BBS9: variants seen among roughly 807,000 people sequenced by gnomAD.
The protein encoded by BBS9 is Bardet-Biedl syndrome 9, also known as protein PTHB1.
BBS9 carries 89 observed loss-of-function variants against 117.7 expected under a neutral mutation model. The ratio of observed to expected loss-of-function variants is 0.76; its 90% CI spans 0.64 to 0.90. The LOEUF is 0.90. Ranked by LOEUF, BBS9 falls within the 40% of genes least tolerant of loss-of-function variation. The probability of loss-of-function intolerance (pLI) is 0.00; values close to 1 mark genes in which losing one functional copy is unlikely to be tolerated. For synonymous variants in BBS9, 379 were observed against 370.9 expected (o/e 1.02, Z -0.25); for missense variants, 982 against 1,042.2 (o/e 0.94, Z 0.80).
chr7:33,529,902 T>C (rs990454042), intron 20 of BBS9, among the ~76,000 whole-genome samples: 13 of 152,220 alleles, frequency 8.5e-5, no homozygotes, highest in African/African-American at 3.1e-4. Context: ...GTAGTATGTG[T>C]ATGTATTTAG....
Position 33,505,610 on chromosome 7 carries a change from G to C in BBS9, c.2263G>C (p.Ala755Pro). The C allele has an allele frequency of 6.2e-7, 1 of 1,613,878 alleles. No homozygotes were observed. The highest frequency in any genetic ancestry group is 8.5e-7 in the Non-Finnish European group (1 of 1,179,962). Residue 755 changes from alanine to proline, a missense_variant, in exon 20 of 23, where the codon GCA becomes CCA. By Grantham distance (27) the Ala-to-Pro change is conservative. Coordinates refer to ENST00000242067, the MANE Select transcript of BBS9 (RefSeq NM_198428.3). The stretch of plus-strand genomic sequence containing the variant: ...TGACCAGGTTGCTATTCTGGAAGCG[G>C]CATTTCTGCCGCTACAAGAAGACAC... The part of the protein sequence containing the change: ...SADQVAILEA[A>P]FLPLQEDTQE...
chr7:33,592,273 G>A (rs1312207475), intron 21 of BBS9, among the ~76,000 whole-genome samples: 1 of 151,932 alleles, frequency 6.6e-6, no homozygotes, highest in Non-Finnish European at 1.5e-5. Flanking sequence ...ATTGTGATGA[G>A]CCCCATTACA....
At chr7:33,349,001 A>T in intron 12 of BBS9, 67 bp from the exon 13 acceptor site, 1 of 1,084,690 alleles carries the variant, frequency 9.2e-7, no homozygotes, top group Non-Finnish European at 1.4e-6. Context: ...ATGTTTAAGT[A>T]GTTACGATAG....
At chr7:33,181,571 AC>A (rs1459806495) in intron 5 of BBS9, among the ~76,000 whole-genome samples, 1 of 152,176 alleles carries the variant, frequency 6.6e-6, no homozygotes, top group African/African-American at 2.4e-5. Flanking sequence ...CTTGCATATA[AC>A]CCTTTACACC....
chr7:33,383,693 T>C lies in BBS9; in HGVS notation c.1817T>C (p.Phe606Ser). ...SQRYRIQSEQ[F>S]EDLWLITNEL... The stretch of plus-strand genomic sequence containing the variant: ...CGATATCGCATTCAGAGTGAACAAT[T>C]TGAAGATCTTTGGCTCATAACCAAT... Residue 606 changes from phenylalanine to serine, a missense_variant, in exon 18 of 23, where the codon TTT (phenylalanine) becomes TCT (serine). Coordinates refer to ENST00000242067, the MANE Select transcript of BBS9 (RefSeq NM_198428.3). The C allele has an allele frequency of 6.2e-7, 1 of 1,609,692 alleles. No individual in the cohort carries two copies. Among genetic ancestry groups the C allele is most frequent in the Non-Finnish European group, 8.5e-7 (1 of 1,177,412 alleles).
At chr7:33,600,550 C>T (rs1863636118) in intron 21 of BBS9, among the ~76,000 whole-genome samples, 1 of 152,096 alleles carries the variant, frequency 6.6e-6, no homozygotes, top group African/African-American at 2.4e-5. Context: ...ATAGCTAAGT[C>T]AGAGATGCAA....
chr7:33,609,709 T>C (rs185780146), downstream of BBS9, among the ~76,000 whole-genome samples: 2 of 152,238 alleles, frequency 1.3e-5, no homozygotes, highest in Admixed American at 1.3e-4. Context: ...ACATTTATGC[T>C]TCTGGTGCCA....
chr7:33,318,782 T>C (rs1017378212), intron 9 of BBS9, among the ~76,000 whole-genome samples: 6 of 152,164 alleles, frequency 3.9e-5, no homozygotes, highest in Non-Finnish European at 7.4e-5. Flanking sequence ...ATCATTCTTA[T>C]GCCTTTGCAT....
intron 21 of BBS9, among the ~76,000 whole-genome samples, chr7:33,594,829 T>C (rs1003838749): frequency 3.3e-5 from 5 of 152,184 alleles, no homozygotes; most frequent in African/African-American, 1.2e-4. Context: ...ATTAAGAATC[T>C]CCTATATATA....
At chr7:33,214,478 T>C (rs1468735167) in intron 5 of BBS9, among the ~76,000 whole-genome samples, 1 of 152,240 alleles carries the variant, frequency 6.6e-6, no homozygotes, top group South Asian at 2.1e-4. Flanking sequence ...TTCAGTGATA[T>C]GGAGTTAAAA....
chr7:33,463,938 T>C (rs548055854), intron 19 of BBS9, among the ~76,000 whole-genome samples: 4 of 152,220 alleles, frequency 2.6e-5, no homozygotes, highest in African/African-American at 9.6e-5. Flanking sequence ...TTGCCTGTTG[T>C]TCAGTGAGGT....
chr7:33,321,249 A>AT (rs937269003), intron 9 of BBS9, among the ~76,000 whole-genome samples: 53 of 151,214 alleles, frequency 3.5e-4, no homozygotes, highest in African/African-American at 5.6e-4. Flanking sequence ...AAATCACTGG[A>AT]TTTTTTTTTG....
chr7:33,432,194 C>T (rs554766818), intron 19 of BBS9, among the ~76,000 whole-genome samples: 11 of 149,796 alleles, frequency 7.3e-5, no homozygotes, highest in Non-Finnish European at 1.3e-4. Flanking sequence ...CTGCAAGCTT[C>T]GCCTCCCAGG....
chr7:33,272,039 A>G (rs1584010618), intron 7 of BBS9, among the ~76,000 whole-genome samples: 1 of 152,284 alleles, frequency 6.6e-6, no homozygotes, highest in East Asian at 1.9e-4. Context: ...GTACATATAC[A>G]CCATGGAATA....
At chr7:33,381,297 G>A (rs931311691) in intron 17 of BBS9, among the ~76,000 whole-genome samples, 6 of 152,172 alleles carry the variant, frequency 3.9e-5, no homozygotes, top group African/African-American at 1.4e-4. Context: ...AATCAGTGAT[G>A]GCAGAAGAGT....
At chr7:33,621,013 C>A (rs559881350) in intron 21 of BBS9, among the ~76,000 whole-genome samples, 1 of 152,180 alleles carries the variant, frequency 6.6e-6, no homozygotes, top group African/African-American at 2.4e-5. Flanking sequence ...GAAACCTGGG[C>A]ATCCATATGC....
downstream of BBS9, among the ~76,000 whole-genome samples, chr7:33,606,584 C>T (rs1159784313): frequency 1.3e-5 from 2 of 152,150 alleles, no homozygotes; most frequent in Admixed American, 1.3e-4. Context: ...ACCACTTTCC[C>T]CAGTGCTTAA....
intron 21 of BBS9, among the ~76,000 whole-genome samples, chr7:33,627,835 G>T (rs898025524): frequency 6.6e-6 from 1 of 152,148 alleles, no homozygotes; most frequent in Non-Finnish European, 1.5e-5. Context: ...TTGAGCCCAG[G>T]AGTTTGAGAC....
rs150024646 is a variant in BBS9, at chr7:33,463,538, A to G, written c.2116-41925A>G. ...ATTCTGGACTGTGAGTTTATACAGT[A>G]TCTCTGTGAGCCAGGATGTGCTTTT... On this transcript the variant is annotated intron_variant, in intron 19 of 22. Transcript: ENST00000242067. 1.8e-4 allele frequency among the ~76,000 whole-genome samples: 28 copies of G among 152,232 alleles called. 2 individuals carry two copies. The East Asian group carries it at 5.2e-3, about 28-fold the overall frequency.
Sources: gnomAD v4.1 joint callset for allele counts (sites outside exome capture counted in the v4.1 genomes callset) on GRCh38, gnomAD v4.1.1 for gene constraint, MANE v1.5 for transcripts, NCBI Gene and HGNC (gene_info 2026-07-23, HGNC 2026-07-21) for gene names.